Variants in AGBL4 observed in about 807,000 individuals in gnomAD.
The protein encoded by AGBL4 is cytosolic carboxypeptidase 6.
A neutral mutation model predicts 66.4 loss-of-function variants in AGBL4; 58 were observed. The ratio of observed to expected loss-of-function variants is 0.87; its 90% CI spans 0.71 to 1.09. The LOEUF is 1.09. Among genes scored for constraint, AGBL4 ranks in the 50% least tolerant of loss-of-function variants. The pLI, the probability that AGBL4 is intolerant of heterozygous loss-of-function variation, is 0.00. For missense variants in AGBL4, 579 were observed against 631.0 expected (o/e 0.92, Z 0.88); for synonymous variants, 234 against 222.9 (o/e 1.05, Z -0.44).
chr1:49,049,547 G>A (rs552934650), intron 4 of AGBL4, among the ~76,000 whole-genome samples: 2 of 151,868 alleles, frequency 1.3e-5, no homozygotes, highest in African/African-American at 2.4e-5. Context: ...GGCATAGAGC[G>A]GTCTCAAGCA....
chr1:48,623,544 T>C (rs1645450469), intron 9 of AGBL4, among the ~76,000 whole-genome samples: 1 of 152,260 alleles, frequency 6.6e-6, no homozygotes, highest in African/African-American at 2.4e-5. Context: ...AAATTGGGCA[T>C]CTGGCTTACT....
intron 3 of AGBL4, among the ~76,000 whole-genome samples, chr1:49,596,934 A>G (rs781769403): frequency 1.3e-5 from 2 of 152,220 alleles, no homozygotes; most frequent in Non-Finnish European, 2.9e-5. Context: ...ATAGCAAGCA[A>G]TTTGGGGAAT....
rs550846085 is a variant in AGBL4 at position 48,667,658 on chromosome 1, A to G, written c.635-4417T>C. On this transcript the variant is annotated intron_variant, in intron 6 of 13. Transcript: ENST00000371839. ...AATAGACATCTCCCTGAAGATAACT[A>G]TATTTCTCCTAGTTGCTATGTAGAC... Among the ~76,000 whole-genome samples the G allele has an allele frequency of 2.7e-4, 41 of 152,358 alleles. 1 individual carries two copies. Among genetic ancestry groups the G allele is most frequent in the African/African-American group, 9.9e-4 (41 of 41,588 alleles).
At chr1:49,255,964 A>G (rs1652457608) in intron 3 of AGBL4, among the ~76,000 whole-genome samples, 1 of 152,162 alleles carries the variant, frequency 6.6e-6, no homozygotes, top group Admixed American at 6.5e-5. Flanking sequence ...AAATGATAAC[A>G]CATGGTCACA....
chr1:48,872,949 G>A (rs912170618), intron 5 of AGBL4, among the ~76,000 whole-genome samples: 3 of 152,160 alleles, frequency 2.0e-5, no homozygotes, highest in Admixed American at 6.5e-5. Context: ...TAGGATTTCC[G>A]AGTGCTGGCT....
intron 11 of AGBL4, among the ~76,000 whole-genome samples, chr1:48,571,609 T>C (rs1210320920): frequency 1.3e-5 from 2 of 152,212 alleles, no homozygotes; most frequent in African/African-American, 4.8e-5. Context: ...CCACATGGAT[T>C]CCCAGGTGAG....
chr1:49,630,231 G>A (rs547439277), intron 3 of AGBL4, among the ~76,000 whole-genome samples: 1 of 152,264 alleles, frequency 6.6e-6, no homozygotes, highest in Admixed American at 6.5e-5. Context: ...GGCACTCCAT[G>A]GCCATCAGGA....
rs35699154 is a variant in AGBL4 at position 49,352,366 on chromosome 1, CTT to C, written c.283-106504_283-106503del. Among the ~76,000 whole-genome samples, 174 of 83,126 alleles carry C rather than the reference CTT, an allele frequency of 2.1e-3. 2 individuals carry two copies. Among genetic ancestry groups the C allele is most frequent in the African/African-American group, 6.0e-3 (126 of 20,984 alleles). The allele number at this position is 83,126 out of a possible 152,430, so 54.5% of individuals were successfully genotyped here. On this transcript the variant is annotated intron_variant, in intron 3 of 13. Coordinates refer to ENST00000371839, the MANE Select transcript of AGBL4 (RefSeq NM_032785.4). The stretch of plus-strand genomic sequence containing the variant: ...AATTATTTGCCCACATGAATTGAAG[CTT>C]TTTTTTTTTTTTTTTTTTTTTGTGG...
chr1:49,711,102 G>A (rs943102701), intron 2 of AGBL4, among the ~76,000 whole-genome samples: 1 of 152,010 alleles, frequency 6.6e-6, no homozygotes, highest in Admixed American at 6.6e-5. Context: ...CCCACCAAGC[G>A]ATAACAAGGA....
At chr1:49,445,120 T>C (rs1646124979) in intron 3 of AGBL4, among the ~76,000 whole-genome samples, 1 of 152,032 alleles carries the variant, frequency 6.6e-6, no homozygotes, top group African/African-American at 2.4e-5. Context: ...ATTTCTTTGC[T>C]GGAAAAAATC....
chr1:49,429,446 A>G (rs1645735148), intron 3 of AGBL4, among the ~76,000 whole-genome samples: 1 of 152,196 alleles, frequency 6.6e-6, no homozygotes, highest in African/African-American at 2.4e-5. Context: ...CTAATATTCA[A>G]TTTGAAATTT....
intron 1 of AGBL4, among the ~76,000 whole-genome samples, chr1:49,972,291 T>C (rs1282825753): frequency 1.3e-5 from 2 of 152,008 alleles, no homozygotes; most frequent in African/African-American, 2.4e-5. Context: ...TTGTACCCAA[T>C]TGGCAGTTTT....
intron 4 of AGBL4, among the ~76,000 whole-genome samples, chr1:49,088,651 TA>T (rs1211011333): frequency 6.6e-6 from 1 of 152,108 alleles, no homozygotes; most frequent in Non-Finnish European, 1.5e-5. Flanking sequence ...ACAATAATAG[TA>T]GGAGATGTCA....
At position 49,833,667 on chromosome 1, in the gene AGBL4, A is replaced by C. The variant is rs1032102346; in HGVS notation, c.157+17729T>G. ...ATTTCTTTGTATCTTCTTTAATTTC[A>C]TTGAGCAGTGGTTTGTAGTTCTCCT... is the stretch of plus-strand genomic sequence containing the variant. On this transcript the variant is annotated intron_variant, in intron 2 of 13. Coordinates refer to ENST00000371839, the MANE Select transcript of AGBL4 (RefSeq NM_032785.4). Among the ~76,000 whole-genome samples, 19 of 152,058 alleles carry C rather than the reference A, an allele frequency of 1.2e-4. No individual in the cohort carries two copies. In the Middle Eastern group the frequency reaches 0.014, roughly 109 times the overall value.
intron 6 of AGBL4, among the ~76,000 whole-genome samples, chr1:48,723,401 G>A (rs1404770900): frequency 6.6e-6 from 1 of 152,184 alleles, no homozygotes; most frequent in Non-Finnish European, 1.5e-5. Flanking sequence ...ATGGGGAGGA[G>A]ATTCGGGTGG....
chr1:48,656,534 C>T (rs1646023184), intron 7 of AGBL4, among the ~76,000 whole-genome samples: 1 of 152,178 alleles, frequency 6.6e-6, no homozygotes, highest in Non-Finnish European at 1.5e-5. Context: ...GGGAACAGCA[C>T]ATAGCTGTGG....
intron 6 of AGBL4, among the ~76,000 whole-genome samples, chr1:48,711,366 G>A (rs572466672): frequency 6.6e-6 from 1 of 152,166 alleles, no homozygotes; most frequent in Admixed American, 6.5e-5. Flanking sequence ...TTTGGGGTGA[G>A]CCTGTCAGTT....
intron 4 of AGBL4, among the ~76,000 whole-genome samples, chr1:49,096,252 T>C (rs1645099637): frequency 6.6e-6 from 1 of 152,058 alleles, no homozygotes; most frequent in Non-Finnish European, 1.5e-5. Context: ...GACTGTAAAC[T>C]AGTTCAACCA....
intron 3 of AGBL4, among the ~76,000 whole-genome samples, chr1:49,642,819 A>C (rs1308197631): frequency 6.6e-6 from 1 of 152,024 alleles, no homozygotes; most frequent in Non-Finnish European, 1.5e-5. Flanking sequence ...TGAAAGGATT[A>C]ACTGTTTGTT....
Sources: gnomAD v4.1 joint callset for allele counts (sites outside exome capture counted in the v4.1 genomes callset) on GRCh38, gnomAD v4.1.1 for gene constraint, MANE v1.5 for transcripts, NCBI Gene and HGNC (gene_info 2026-07-23, HGNC 2026-07-21) for gene names.